EFCAB6: variants seen among roughly 807,000 people sequenced by gnomAD.
The protein encoded by EFCAB6 is EF-hand calcium binding domain 6, also known as EF-hand calcium-binding domain-containing protein 6.
In EFCAB6, 156 loss-of-function variants were observed where a neutral mutation model predicts 169.8. The observed-to-expected ratio is 0.92, with a 90% CI of 0.81 to 1.05. The LOEUF is 1.05. Among genes scored for constraint, EFCAB6 ranks in the 50% least tolerant of loss-of-function variants. EFCAB6 has a pLI of 0.00. For synonymous variants in EFCAB6, 698 were observed against 676.4 expected (o/e 1.03, Z -0.50); for missense variants, 1,800 against 1,829.1 (o/e 0.98, Z 0.29).
chr22:43,555,159 C>G, intron 26 of EFCAB6, 63 bp from the exon 27 acceptor site: 1 of 1,549,386 alleles, frequency 6.5e-7, no homozygotes, highest in South Asian at 1.1e-5. Context: ...TTGCTCTGGG[C>G]TCCTCACCCA....
rs1230468915 is a variant in EFCAB6, at chr22:43,626,657, T to C, written c.2255A>G (p.Lys752Arg). The C allele has an allele frequency of 1.2e-6, 2 of 1,614,064 alleles. No homozygotes were observed. Among genetic ancestry groups the C allele is most frequent in the African/African-American group, 1.3e-5 (1 of 74,920 alleles). ...SFRDPYSAFFKTDADRDGIIN... is the reference protein window; with the variant it reads ...SFRDPYSAFFRTDADRDGIIN... ...TATGCCATCCCTGTCAGCATCTGTT[T>C]TAAAGAAGGCAGAGTAGGGGTCCTA... The change falls in exon 20 of 32, where the codon AAA becomes AGA. Residue 752 changes from lysine (K) to arginine (R), a missense_variant. Coordinates refer to ENST00000262726, the MANE Select transcript of EFCAB6 (RefSeq NM_022785.4).
intron 27 of EFCAB6, chr22:43,553,623 C>T (rs1232122438): frequency 2.0e-5 from 3 of 152,362 alleles, no homozygotes; most frequent in African/African-American, 4.8e-5. Context: ...GCACTGCTCC[C>T]CTGGTGCTGG....
chr22:43,695,215 C>A (rs137806), intron 10 of EFCAB6, among the ~76,000 whole-genome samples: 22,523 of 151,704 alleles, frequency 0.15, 1,825 homozygotes, highest in African/African-American at 0.2. Flanking sequence ...AGCCATAAAT[C>A]GTTGGAAAAT....
chr22:43,667,140 C>T lies in EFCAB6; in HGVS notation c.1947G>A (p.Glu649=). The T allele has an allele frequency of 6.2e-7, 1 of 1,614,100 alleles. No individual in the cohort carries two copies. Among genetic ancestry groups the T allele is most frequent in the Non-Finnish European group, 8.5e-7 (1 of 1,180,012 alleles). The change falls in exon 17 of 32, where the codon GAG becomes GAA. Residue 649 remains glutamate, a synonymous_variant. Transcript: ENST00000262726. ...CATGCACGTTAATTTTTCCATTAGG[C>T]TCCTTGCTGAAGTCAAGAAATCGTT... ...FKKRFLDFSK[E]PNGKINVHDF...
At chr22:43,694,261 C>G (rs2058499202) in intron 10 of EFCAB6, among the ~76,000 whole-genome samples, 1 of 151,586 alleles carries the variant, frequency 6.6e-6, no homozygotes, top group African/African-American at 2.4e-5. Flanking sequence ...CCAAAATGAC[C>G]CAAGAAGAAA....
intron 17 of EFCAB6, among the ~76,000 whole-genome samples, chr22:43,654,309 C>G (rs1353116263): frequency 6.6e-6 from 1 of 152,180 alleles, no homozygotes; most frequent in Admixed American, 6.5e-5. Context: ...GGGCTGTGCA[C>G]CATGGATTTC....
At chr22:43,700,554 C>A (rs1015643682) in intron 10 of EFCAB6, among the ~76,000 whole-genome samples, 1 of 152,212 alleles carries the variant, frequency 6.6e-6, no homozygotes, top group African/African-American at 2.4e-5. Flanking sequence ...TGCGTAGATT[C>A]ATGCAGATTC....
intron 3 of EFCAB6, among the ~76,000 whole-genome samples, chr22:43,776,458 C>A (rs565542808): frequency 6.6e-6 from 1 of 152,126 alleles, no homozygotes; most frequent in East Asian, 1.9e-4. Flanking sequence ...CACAGTGACA[C>A]GTGCAATGAA....
At chr22:43,688,705 G>C (rs1052211237) in intron 10 of EFCAB6, among the ~76,000 whole-genome samples, 4 of 152,202 alleles carry the variant, frequency 2.6e-5, no homozygotes, top group African/African-American at 9.7e-5. Flanking sequence ...TCGGTTGCAG[G>C]CTGGAAAACC....
At chr22:43,598,322 A>AAG (rs1555953910) in intron 23 of EFCAB6, among the ~76,000 whole-genome samples, 1 of 130,238 alleles carries the variant, frequency 7.7e-6, no homozygotes, top group African/African-American at 2.6e-5. Flanking sequence ...AAAAAAAAAA[A>AAG]AAAAAAAAAA....
In EFCAB6 at chr22:43,546,593, G is replaced by A. The variant is rs558469496; in HGVS notation, c.3649-6236C>T. ...GGTCAAATAAAGAGATTTTCAGGCC[G>A]GGCGTGGTGGCTCACGCCTGTAATC... On this transcript the variant is annotated intron_variant, in intron 27 of 31. Coordinates refer to ENST00000262726, the MANE Select transcript of EFCAB6 (RefSeq NM_022785.4). Among the ~76,000 whole-genome samples the A allele has an allele frequency of 7.2e-5, 11 of 152,254 alleles. No individual in the cohort carries two copies. In the South Asian group the frequency reaches 2.1e-3, roughly 29 times the overall value.
In EFCAB6 at chr22:43,683,731, G is replaced by A; in HGVS notation, c.1251+16C>T. 1.3e-6 allele frequency: 2 copies of A among 1,550,044 alleles called. No homozygotes were observed. Among genetic ancestry groups the A allele is most frequent in the Non-Finnish European group, 8.9e-7 (1 of 1,121,522 alleles). On this transcript the variant is annotated intron_variant, in intron 12 of 31. Coordinates refer to ENST00000262726, the MANE Select transcript of EFCAB6 (RefSeq NM_022785.4). ...AACAATGAGTGTTTCACAAGAGAAG[G>A]CTTTCAAAATCTTACAGTGTTGATT...
intron 17 of EFCAB6, among the ~76,000 whole-genome samples, chr22:43,647,062 G>A (rs1321100284): frequency 2.6e-5 from 4 of 152,094 alleles, no homozygotes; most frequent in African/African-American, 4.8e-5. Flanking sequence ...GGCTGTGCAC[G>A]TGGGGACAGG....
Position 43,731,694 on chromosome 22 carries a change from C to A in EFCAB6, c.757+5G>T. On this transcript the variant is annotated splice_donor_5th_base_variant and intron_variant, in intron 8 of 31. Coordinates refer to ENST00000262726, the MANE Select transcript of EFCAB6 (RefSeq NM_022785.4). ...TCTTTAGCTATATACTTTAAAAATA[C>A]TTACCTTGATTTCCCATACAATATC... 6.4e-7 allele frequency: 1 copy of A among 1,551,856 alleles called. No individual in the cohort carries two copies. Among genetic ancestry groups the A allele is most frequent in the Non-Finnish European group, 8.7e-7 (1 of 1,145,516 alleles).
At position 43,621,233 on chromosome 22, in the gene EFCAB6, C is replaced by T. The variant is rs2054096454; in HGVS notation, c.2465+5214G>A. Among the ~76,000 whole-genome samples the T allele has an allele frequency of 2.0e-5, 3 of 150,978 alleles. No individual in the cohort carries two copies. The Admixed American group carries it at 2.0e-4, about 10-fold the overall frequency. On this transcript the variant is annotated intron_variant, in intron 20 of 31. Coordinates refer to ENST00000262726, the MANE Select transcript of EFCAB6 (RefSeq NM_022785.4). Reference sequence around the variant, plus strand: ...CCTCCTGAGTAGCTGAAATTACAGGCACCCACCACCACACCTGGCTGATTT... The same window carrying T: ...CCTCCTGAGTAGCTGAAATTACAGGTACCCACCACCACACCTGGCTGATTT...
rs571139664 is a variant in EFCAB6, at chr22:43,743,765, C to A, written c.508-7772G>T. 4.6e-5 allele frequency among the ~76,000 whole-genome samples: 7 copies of A among 152,288 alleles called. 1 individual carries two copies. Among genetic ancestry groups the A allele is most frequent in the African/African-American group, 1.7e-4 (7 of 41,562 alleles). The stretch of plus-strand genomic sequence containing the variant: ...CCCCTCACCCTCCACAGCACCATTG[C>A]CCAGACTAAGAAAACAGAAGCCTAG... On this transcript the variant is annotated intron_variant, in intron 6 of 31. Transcript: ENST00000262726.
intron 22 of EFCAB6, among the ~76,000 whole-genome samples, chr22:43,607,045 C>T (rs1436091775): frequency 6.6e-6 from 1 of 152,156 alleles, no homozygotes; most frequent in Admixed American, 6.5e-5. Flanking sequence ...ACTCACCTTC[C>T]TAAACCGCAG....
At chr22:43,705,565 G>C (rs1464643200) in intron 10 of EFCAB6, among the ~76,000 whole-genome samples, 4 of 151,874 alleles carry the variant, frequency 2.6e-5, no homozygotes, top group Non-Finnish European at 5.9e-5. Flanking sequence ...AACCAATAAT[G>C]GGGAATTTTG....
At chr22:43,581,567 A>G (rs1569195864) in intron 24 of EFCAB6, among the ~76,000 whole-genome samples, 1 of 152,248 alleles carries the variant, frequency 6.6e-6, no homozygotes, top group Non-Finnish European at 1.5e-5. Flanking sequence ...ATAAAGTTTA[A>G]TTGCATTCAA....
Sources: gnomAD v4.1 joint callset for allele counts (sites outside exome capture counted in the v4.1 genomes callset) on GRCh38, gnomAD v4.1.1 for gene constraint, MANE v1.5 for transcripts, NCBI Gene and HGNC (gene_info 2026-07-23, HGNC 2026-07-21) for gene names.